Variants in CAMK4 observed in about 807,000 individuals in gnomAD.
The protein encoded by CAMK4 is calcium/calmodulin-dependent protein kinase type IV.
A neutral mutation model predicts 44.9 loss-of-function variants in CAMK4; 22 were observed. The observed-to-expected ratio is 0.49, with a 90% confidence interval of 0.35 to 0.70. The LOEUF is 0.70. Ranked by LOEUF, CAMK4 falls within the 30% of genes least tolerant of loss-of-function variation. The probability of loss-of-function intolerance (pLI) is 0.01; values close to 1 mark genes in which losing one functional copy is unlikely to be tolerated. For synonymous variants in CAMK4, 218 were observed against 215.4 expected (o/e 1.01, Z -0.11); for missense variants, 498 against 586.8 (o/e 0.85, Z 1.56).
intron 4 of CAMK4, among the ~76,000 whole-genome samples, chr5:111,389,288 C>T (rs1049618878): frequency 4.6e-5 from 7 of 152,114 alleles, no homozygotes; most frequent in African/African-American, 1.7e-4. Context: ...CTCCCAAAGG[C>T]CCCACCTCCT....
chr5:111,315,724 G>A (rs1179817580), intron 1 of CAMK4, among the ~76,000 whole-genome samples: 1 of 151,960 alleles, frequency 6.6e-6, no homozygotes, highest in East Asian at 1.9e-4. Flanking sequence ...CTTGGAAAAA[G>A]CGATTTTCTG....
In CAMK4 at chr5:111,492,906, A is replaced by T. The variant is rs1755906385; in HGVS notation, c.*8440A>T. ...AAAGAGGGAAAAGCTCCCTTTTGCC[A>T]GGAATGATGAAGGAAAGCTTTATGG... On this transcript the variant is annotated 3_prime_UTR_variant, in exon 11 of 11. Transcript: ENST00000282356. 1 of 152,258 alleles carries T rather than the reference A, an allele frequency of 6.6e-6. No individual in the cohort carries two copies. Among genetic ancestry groups the T allele is most frequent in the Admixed American group, 6.5e-5 (1 of 15,274 alleles). 9.4% of individuals were successfully genotyped at this position (152,258 alleles called of 1,614,324 possible). A position where few individuals can be genotyped will look rare whatever the true frequency, so the allele number is the denominator to read the frequency against.
intron 1 of CAMK4, among the ~76,000 whole-genome samples, chr5:111,229,160 C>G (rs1406627696): frequency 6.6e-6 from 1 of 152,180 alleles, no homozygotes; most frequent in African/African-American, 2.4e-5. Context: ...AACAAGATGT[C>G]TTAGACTGGG....
intron 1 of CAMK4, among the ~76,000 whole-genome samples, chr5:111,242,204 C>T (rs942558880): frequency 6.6e-5 from 10 of 152,152 alleles, no homozygotes; most frequent in African/African-American, 2.4e-4. Context: ...CTGGATTTCT[C>T]CTTCACCCCT....
chr5:111,449,338 G>T, intron 7 of CAMK4, 135 bp downstream of exon 7: 1 of 507,708 alleles, frequency 2.0e-6, no homozygotes, highest in Non-Finnish European at 3.5e-6. Context: ...CTATGAGGAA[G>T]GCATACATAA....
At chr5:111,344,213 C>T in intron 2 of CAMK4, 111 bp downstream of exon 2, 1 of 616,728 alleles carries the variant, frequency 1.6e-6, no homozygotes, top group Non-Finnish European at 2.8e-6. Flanking sequence ...GCAAATAACC[C>T]ATTTGACTCT....
intron 1 of CAMK4, among the ~76,000 whole-genome samples, chr5:111,243,575 T>G (rs1238451680): frequency 6.6e-6 from 1 of 152,228 alleles, no homozygotes; most frequent in Non-Finnish European, 1.5e-5. Context: ...CTATCATGAC[T>G]GAGTTAACCT....
At chr5:111,395,620 A>G (rs1195328822) in intron 5 of CAMK4, among the ~76,000 whole-genome samples, 1 of 152,172 alleles carries the variant, frequency 6.6e-6, no homozygotes. Flanking sequence ...TTAAATTGGA[A>G]CACAAGTTTT....
At chr5:111,468,335 A>G (rs1365437336) in intron 7 of CAMK4, among the ~76,000 whole-genome samples, 1 of 152,222 alleles carries the variant, frequency 6.6e-6, no homozygotes, top group Non-Finnish European at 1.5e-5. Context: ...AAATAAAAAT[A>G]TCAAGAAAAC....
At chr5:111,445,615 A>G (rs142090612) in intron 5 of CAMK4, among the ~76,000 whole-genome samples, 227 of 152,146 alleles carry the variant, frequency 1.5e-3, no homozygotes, top group African/African-American at 5.0e-3. Context: ...TTTCATAGAG[A>G]TGGGCTCTTG....
chr5:111,342,914 G>A (rs928556816), intron 1 of CAMK4, among the ~76,000 whole-genome samples: 26 of 151,258 alleles, frequency 1.7e-4, no homozygotes, highest in African/African-American at 4.1e-4. Context: ...TGTTGTTGTC[G>A]TACATTTTTT....
chr5:111,356,955 G>GAGAC (rs900897999), intron 2 of CAMK4, among the ~76,000 whole-genome samples: 114 of 152,140 alleles, frequency 7.5e-4, no homozygotes, highest in Middle Eastern at 6.8e-3. Context: ...CAGAGAGAGA[G>GAGAC]AGACAGACAG....
intron 5 of CAMK4, among the ~76,000 whole-genome samples, chr5:111,436,360 T>C (rs1753646799): frequency 6.6e-6 from 1 of 152,226 alleles, no homozygotes; most frequent in South Asian, 2.1e-4. Context: ...CTCATGCCAC[T>C]GTCAGTGTGT....
chr5:111,411,155 C>A (rs1752619199), intron 5 of CAMK4, among the ~76,000 whole-genome samples: 1 of 152,142 alleles, frequency 6.6e-6, no homozygotes, highest in East Asian at 1.9e-4. Context: ...AAGAACCAAG[C>A]AGGAGGAGAC....
rs576935447 is a variant in CAMK4, at chr5:111,469,128, G to A, written c.626-4183G>A. On this transcript the variant is annotated intron_variant, in intron 7 of 10. Transcript: ENST00000282356. ...CATTGGGCTCTAGTCTGGGCAACAA[G>A]AGTGAAACTCCATCTCAAAAAAAAA... is the stretch of plus-strand genomic sequence containing the variant. 1.9e-3 allele frequency among the ~76,000 whole-genome samples: 176 copies of A among 94,454 alleles called. 1 individual carries two copies. The highest frequency in any genetic ancestry group is 7.1e-3 in the African/African-American group (160 of 22,504). The allele number at this position is 94,454 out of a possible 152,430, so 62.0% of individuals were successfully genotyped here. A position where few individuals can be genotyped will look rare whatever the true frequency, so the allele number is the denominator to read the frequency against.
At chr5:111,455,873 C>T (rs1754395951) in intron 7 of CAMK4, among the ~76,000 whole-genome samples, 1 of 152,104 alleles carries the variant, frequency 6.6e-6, no homozygotes, top group South Asian at 2.1e-4. Context: ...TCTCAGTCTC[C>T]TCAACTATAC....
intron 4 of CAMK4, among the ~76,000 whole-genome samples, chr5:111,384,183 AAG>A (rs1306584843): frequency 6.6e-6 from 1 of 152,166 alleles, no homozygotes; most frequent in African/African-American, 2.4e-5. Flanking sequence ...GGGCAAGAAA[AAG>A]GGCTTTTGAG....
At chr5:111,362,868 A>G (rs1750648078) in intron 2 of CAMK4, among the ~76,000 whole-genome samples, 1 of 152,092 alleles carries the variant, frequency 6.6e-6, no homozygotes, top group South Asian at 2.1e-4. Flanking sequence ...TACCAAGGAT[A>G]TCATAGTTGC....
intron 3 of CAMK4, among the ~76,000 whole-genome samples, chr5:111,375,599 C>A (rs1751185286): frequency 6.6e-6 from 1 of 152,116 alleles, no homozygotes; most frequent in Non-Finnish European, 1.5e-5. Context: ...AGACTCCAGG[C>A]AAAGTGCTCA....
Sources: gnomAD v4.1 joint callset for allele counts (sites outside exome capture counted in the v4.1 genomes callset) on GRCh38, gnomAD v4.1.1 for gene constraint, MANE v1.5 for transcripts, NCBI Gene and HGNC (gene_info 2026-07-23, HGNC 2026-07-21) for gene names.